Variants in SLC24A3 observed in about 807,000 individuals in gnomAD.
The protein encoded by SLC24A3 is solute carrier family 24 member 3, also known as sodium/potassium/calcium exchanger 3.
In SLC24A3, 28 loss-of-function variants were observed where a neutral mutation model predicts 75.8. The ratio of observed to expected loss-of-function variants is 0.37; its 90% confidence interval spans 0.27 to 0.51. SLC24A3 has a LOEUF of 0.51. Among genes scored for constraint, SLC24A3 ranks in the 20% least tolerant of loss-of-function variants. The probability of loss-of-function intolerance (pLI) is 0.94; values close to 1 mark genes in which losing one functional copy is unlikely to be tolerated. For missense variants in SLC24A3, 663 were observed against 847.8 expected, an observed-to-expected ratio of 0.78 and a Z score of 2.71; for synonymous variants, 372 against 334.1, an observed-to-expected ratio of 1.11 and a Z score of -1.24.
chr20:19,399,251 G>A (rs749750991), intron 2 of SLC24A3, among the ~76,000 whole-genome samples: 13 of 151,618 alleles, frequency 8.6e-5, no homozygotes, highest in Non-Finnish European at 1.2e-4. Context: ...TTTGTATTTC[G>A]TTGATCCCAC....
intron 1 of SLC24A3, among the ~76,000 whole-genome samples, chr20:19,248,125 AAAAAC>A (rs935541773): frequency 6.6e-5 from 10 of 152,214 alleles, no homozygotes; most frequent in African/African-American, 1.7e-4. Context: ...AAAAATAGAA[AAAAAC>A]AAAACAAAAC....
chr20:19,614,829 A>G (rs780306233), intron 6 of SLC24A3, among the ~76,000 whole-genome samples: 25 of 152,236 alleles, frequency 1.6e-4, no homozygotes, highest in Non-Finnish European at 2.6e-4. Context: ...CTGGTAATCA[A>G]TAATGAGGCT....
intron 2 of SLC24A3, among the ~76,000 whole-genome samples, chr20:19,409,545 C>G (rs1986708526): frequency 6.6e-6 from 1 of 152,064 alleles, no homozygotes; most frequent in Non-Finnish European, 1.5e-5. Context: ...CAATTATGCT[C>G]AAATGTCTCA....
intron 2 of SLC24A3, among the ~76,000 whole-genome samples, chr20:19,333,734 G>C (rs1190084320): frequency 6.6e-6 from 1 of 151,552 alleles, no homozygotes; most frequent in Non-Finnish European, 1.5e-5. Context: ...GACTGAACAC[G>C]GTAATTCTGA....
chr20:19,319,083 A>G (rs1464140864), intron 2 of SLC24A3, among the ~76,000 whole-genome samples: 1 of 152,064 alleles, frequency 6.6e-6, no homozygotes, highest in East Asian at 1.9e-4. Context: ...AGTTCACTGC[A>G]CTGCTGTTCT....
chr20:19,702,001 A>G (rs563433500), intron 15 of SLC24A3, among the ~76,000 whole-genome samples: 36 of 152,330 alleles, frequency 2.4e-4, no homozygotes, highest in African/African-American at 8.4e-4. Context: ...AAAGGGGACA[A>G]TCATAGAAGG....
chr20:19,270,258 G>A (rs1983287607), intron 1 of SLC24A3, among the ~76,000 whole-genome samples: 1 of 152,070 alleles, frequency 6.6e-6, no homozygotes, highest in Non-Finnish European at 1.5e-5. Context: ...AGCAGCACTG[G>A]CATCCACTGA....
chr20:19,438,810 G>A (rs1366764916), intron 2 of SLC24A3, among the ~76,000 whole-genome samples: 1 of 152,206 alleles, frequency 6.6e-6, no homozygotes, highest in Non-Finnish European at 1.5e-5. Context: ...CCCTCACAGG[G>A]TAGGTAGTGT....
intron 6 of SLC24A3, among the ~76,000 whole-genome samples, chr20:19,602,409 C>G (rs991969198): frequency 7.3e-6 from 1 of 136,774 alleles, no homozygotes; most frequent in African/African-American, 2.5e-5. Flanking sequence ...CACACACAAG[C>G]CCCCACAGTG....
chr20:19,288,525 A>G (rs1983865746), intron 2 of SLC24A3, among the ~76,000 whole-genome samples: 1 of 152,180 alleles, frequency 6.6e-6, no homozygotes, highest in Non-Finnish European at 1.5e-5. Context: ...AGATGCAGAG[A>G]TTTTGTGGAT....
intron 2 of SLC24A3, among the ~76,000 whole-genome samples, chr20:19,338,687 T>C (rs914686168): frequency 5.3e-5 from 8 of 152,334 alleles, no homozygotes; most frequent in Non-Finnish European, 1.0e-4. Context: ...TACATGCAGA[T>C]GTGACCTTGG....
At chr20:19,254,447 G>A (rs1443692369) in intron 1 of SLC24A3, among the ~76,000 whole-genome samples, 4 of 152,206 alleles carry the variant, frequency 2.6e-5, no homozygotes, top group Admixed American at 1.3e-4. Flanking sequence ...CACTCAGGTT[G>A]GGTAGGCACG....
chr20:19,229,717 C>T (rs1175753229), intron 1 of SLC24A3, among the ~76,000 whole-genome samples: 1 of 151,642 alleles, frequency 6.6e-6, no homozygotes, highest in East Asian at 1.9e-4. Flanking sequence ...TGGTTGTTTC[C>T]CTTGGAACAT....
intron 2 of SLC24A3, among the ~76,000 whole-genome samples, chr20:19,347,716 CTG>C (rs1985458700): frequency 6.6e-6 from 1 of 152,146 alleles, no homozygotes; most frequent in Non-Finnish European, 1.5e-5. Flanking sequence ...ATGGAAAATA[CTG>C]TGTTTGAGGT....
intron 6 of SLC24A3, among the ~76,000 whole-genome samples, chr20:19,631,702 T>C (rs764384005): frequency 5.3e-5 from 8 of 152,122 alleles, no homozygotes; most frequent in Non-Finnish European, 1.2e-4. Context: ...TCCTACTGAA[T>C]GCTTATCACT....
intron 3 of SLC24A3, among the ~76,000 whole-genome samples, chr20:19,548,626 C>T (rs1001603265): frequency 7.2e-5 from 11 of 152,144 alleles, no homozygotes; most frequent in South Asian, 2.1e-4. Context: ...GGAGAATATC[C>T]GTCAAGGCAA....
intron 3 of SLC24A3, among the ~76,000 whole-genome samples, chr20:19,544,419 A>G (rs147072770): frequency 2.6e-5 from 4 of 152,314 alleles, no homozygotes; most frequent in Non-Finnish European, 5.9e-5. Flanking sequence ...TTACACAGCA[A>G]GAGAATCAAC....
At chr20:19,270,208 T>C (rs1983285454) in intron 1 of SLC24A3, among the ~76,000 whole-genome samples, 1 of 152,136 alleles carries the variant, frequency 6.6e-6, no homozygotes, top group East Asian at 1.9e-4. Flanking sequence ...CACTTAAAAA[T>C]GTGTAATTGA....
At chr20:19,626,168 T>C (rs193099578) in intron 6 of SLC24A3, among the ~76,000 whole-genome samples, 1 of 152,206 alleles carries the variant, frequency 6.6e-6, no homozygotes, top group Admixed American at 6.5e-5. Context: ...AGAATTCAGA[T>C]AGAAAGGAAA....
Sources: gnomAD v4.1 joint callset for allele counts (sites outside exome capture counted in the v4.1 genomes callset) on GRCh38, gnomAD v4.1.1 for gene constraint, MANE v1.5 for transcripts, NCBI Gene and HGNC (gene_info 2026-07-23, HGNC 2026-07-21) for gene names.